Variants in PTPRD observed in about 807,000 individuals in gnomAD.
PTPRD encodes protein tyrosine phosphatase receptor type D.
Under a neutral mutation model 214.5 loss-of-function variants are expected in PTPRD, and 34 were observed. The observed-to-expected ratio is 0.16, with a 90% CI of 0.12 to 0.21. The LOEUF is 0.21. PTPRD is among the 10% of genes least tolerant of loss of function. The pLI is 1.00. For missense variants in PTPRD, 2,545 were observed against 2,398.7 expected (o/e 1.06, Z -1.27); for synonymous variants, 1,128 against 845.7 (o/e 1.33, Z -5.79).
chr9:10,007,113 CA>C (rs1359256293), intron 4 of PTPRD, among the ~76,000 whole-genome samples: 1 of 151,892 alleles, frequency 6.6e-6, no homozygotes, highest in African/African-American at 2.4e-5. Flanking sequence ...CATTAAAGAT[CA>C]AAGAGTTTAA....
At chr9:9,983,819 G>C (rs1442243583) in intron 4 of PTPRD, among the ~76,000 whole-genome samples, 3 of 152,170 alleles carry the variant, frequency 2.0e-5, no homozygotes, top group Non-Finnish European at 2.9e-5. Flanking sequence ...CTGAAAACTA[G>C]GATATTGGAG....
At chr9:8,354,761 T>C (rs1192299420) in intron 39 of PTPRD, among the ~76,000 whole-genome samples, 1 of 152,118 alleles carries the variant, frequency 6.6e-6, no homozygotes, top group Non-Finnish European at 1.5e-5. Context: ...CTTCCACCAA[T>C]GGGAGTTTTA....
At chr9:8,611,784 G>A (rs994134958) in intron 14 of PTPRD, among the ~76,000 whole-genome samples, 2 of 145,612 alleles carry the variant, frequency 1.4e-5, no homozygotes, top group Admixed American at 1.4e-4. Context: ...GGAGGGGAGG[G>A]GAGGGGAGAG....
At position 9,465,594 on chromosome 9, in the gene PTPRD, G is replaced by C. The variant is rs555117840; in HGVS notation, c.-236-68112C>G. Reference sequence around the variant, plus strand: ...TTTTCTGTCTCTACAGGACAGTTTAGAGTTGATTTCCAAATTCCTGATTTT... The same window carrying C: ...TTTTCTGTCTCTACAGGACAGTTTACAGTTGATTTCCAAATTCCTGATTTT... On this transcript the variant is annotated intron_variant, in intron 8 of 45. Coordinates refer to ENST00000381196, the MANE Select transcript of PTPRD (RefSeq NM_002839.4). Among the ~76,000 whole-genome samples the C allele has an allele frequency of 3.9e-5, 6 of 152,298 alleles. No individual in the cohort carries two copies. In the East Asian group the frequency reaches 9.7e-4, roughly 25 times the overall value.
At chr9:9,656,683 T>C (rs1268019415) in intron 7 of PTPRD, among the ~76,000 whole-genome samples, 2 of 152,172 alleles carry the variant, frequency 1.3e-5, no homozygotes, top group South Asian at 4.1e-4. Context: ...TGTATGATAC[T>C]ATAATGGTGG....
In PTPRD at chr9:8,404,672, A is replaced by G; in HGVS notation, c.4087-12T>C. On this transcript the variant is annotated splice_polypyrimidine_tract_variant and intron_variant, in intron 35 of 45. Coordinates refer to ENST00000381196, the MANE Select transcript of PTPRD (RefSeq NM_002839.4). ...CCAGGGTCAATTGACTTTAAAAGGA[A>G]AACAACACATATACACAAAATCAAT... 3 of 1,606,326 alleles carry G rather than the reference A, an allele frequency of 1.9e-6. No individual in the cohort carries two copies. The highest frequency in any genetic ancestry group is 2.6e-6 in the Non-Finnish European group (3 of 1,174,030).
At chr9:8,647,011 G>C (rs144821811) in intron 12 of PTPRD, among the ~76,000 whole-genome samples, 1 of 152,310 alleles carries the variant, frequency 6.6e-6, no homozygotes, top group East Asian at 1.9e-4. Context: ...CAAAGTCTAT[G>C]TGACATACCT....
rs183191886 is a variant in PTPRD at position 9,797,974 on chromosome 9, C to T, written c.-367-31123G>A. 6.8e-3 allele frequency among the ~76,000 whole-genome samples: 1,039 copies of T among 152,194 alleles called. 5 individuals are homozygous for T. Among genetic ancestry groups the T allele is most frequent in the Middle Eastern group, 0.017 (5 of 294 alleles). ...GTTAAAGAGTTAATGTCTGAATACA[C>T]GAATGTTCTTGATCATATTAGAGAT... On this transcript the variant is annotated intron_variant, in intron 5 of 45. Coordinates refer to ENST00000381196, the MANE Select transcript of PTPRD (RefSeq NM_002839.4).
intron 9 of PTPRD, among the ~76,000 whole-genome samples, chr9:9,313,143 T>C (rs1476663920): frequency 6.6e-6 from 1 of 152,172 alleles, no homozygotes; most frequent in Non-Finnish European, 1.5e-5. Context: ...CCTAACTCTA[T>C]CTCAATTAGC....
At chr9:8,618,821 T>G (rs2154297903) in intron 14 of PTPRD, among the ~76,000 whole-genome samples, 1 of 150,860 alleles carries the variant, frequency 6.6e-6, no homozygotes, top group South Asian at 2.1e-4. Flanking sequence ...CTCAGCCTCC[T>G]GAGGGGTTGA....
At chr9:9,825,374 CAGAGAGACAGAGAG>C (rs945097101) in intron 5 of PTPRD, among the ~76,000 whole-genome samples, 8 of 147,078 alleles carry the variant, frequency 5.4e-5, no homozygotes, top group African/African-American at 1.0e-4. Flanking sequence ...GAGAGAGACA[CAGAGAGACAGAGAG>C]AGAGAGACAG....
chr9:8,362,622 G>A (rs1183025675), intron 39 of PTPRD, among the ~76,000 whole-genome samples: 1 of 152,100 alleles, frequency 6.6e-6, no homozygotes, highest in Non-Finnish European at 1.5e-5. Context: ...ACCAAAATTT[G>A]GACTGAAGTT....
At chr9:9,448,285 T>C (rs923235078) in intron 8 of PTPRD, among the ~76,000 whole-genome samples, 3 of 152,004 alleles carry the variant, frequency 2.0e-5, no homozygotes, top group East Asian at 1.9e-4. Context: ...TCATCTCTAA[T>C]TGTAGTCCCC....
chr9:8,877,019 C>CG (rs531161624), intron 11 of PTPRD, among the ~76,000 whole-genome samples: 1 of 151,956 alleles, frequency 6.6e-6, no homozygotes, highest in Non-Finnish European at 1.5e-5. Flanking sequence ...CTCTGCCCCC[C>CG]GGGTTCAAGT....
chr9:9,742,821 A>G (rs944128419), intron 6 of PTPRD, among the ~76,000 whole-genome samples: 1 of 152,198 alleles, frequency 6.6e-6, no homozygotes, highest in African/African-American at 2.4e-5. Flanking sequence ...CAAATGACAT[A>G]TCTGTGGGAT....
intron 3 of PTPRD, among the ~76,000 whole-genome samples, chr9:10,268,427 G>T: frequency 6.6e-6 from 1 of 151,740 alleles, no homozygotes; most frequent in East Asian, 1.9e-4. Flanking sequence ...TTTTCTTAGG[G>T]ATTTAAATAT....
chr9:9,979,536 T>A (rs796500516), intron 4 of PTPRD, among the ~76,000 whole-genome samples: 1 of 151,986 alleles, frequency 6.6e-6, no homozygotes, highest in African/African-American at 2.4e-5. Flanking sequence ...AAAAATTAAA[T>A]ACAGTGATAT....
intron 9 of PTPRD, among the ~76,000 whole-genome samples, chr9:9,276,047 G>GA (rs1416387212): frequency 2.0e-5 from 3 of 151,342 alleles, no homozygotes; most frequent in Admixed American, 6.6e-5. Flanking sequence ...GCCCTAGAGG[G>GA]AAAGTAGGTT....
chr9:9,918,221 A>G (rs1353562650), intron 5 of PTPRD, among the ~76,000 whole-genome samples: 1 of 151,954 alleles, frequency 6.6e-6, no homozygotes, highest in East Asian at 1.9e-4. Context: ...ATAAAAATCA[A>G]TATGAAAATT....
Sources: gnomAD v4.1 joint callset for allele counts (sites outside exome capture counted in the v4.1 genomes callset) on GRCh38, gnomAD v4.1.1 for gene constraint, MANE v1.5 for transcripts, NCBI Gene and HGNC (gene_info 2026-07-23, HGNC 2026-07-21) for gene names.